Variants in CNTN1 observed in about 807,000 individuals in gnomAD.
CNTN1 encodes contactin-1.
In CNTN1, 38 loss-of-function variants were observed where a neutral mutation model predicts 126.4. The ratio of observed to expected loss-of-function variants is 0.30; its 90% confidence interval spans 0.23 to 0.39. CNTN1 has a LOEUF of 0.39. CNTN1 is among the 10% of genes least tolerant of loss of function. The pLI, the probability that CNTN1 is intolerant of heterozygous loss-of-function variation, is 1.00. For missense variants in CNTN1, 1,009 were observed against 1,248.4 expected (o/e 0.81, Z 2.89); for synonymous variants, 413 against 422.6 (o/e 0.98, Z 0.28).
chr12:40,816,845 T>G (rs920272619), intron 1 of CNTN1, among the ~76,000 whole-genome samples: 1 of 152,218 alleles, frequency 6.6e-6, no homozygotes, highest in African/African-American at 2.4e-5. Flanking sequence ...ACATTGTCTC[T>G]TTGTTCTCAT....
intron 1 of CNTN1, among the ~76,000 whole-genome samples, chr12:40,726,671 T>C (rs1942358894): frequency 6.6e-6 from 1 of 152,118 alleles, no homozygotes; most frequent in African/African-American, 2.4e-5. Flanking sequence ...AGCCAAACCA[T>C]GTTAAGGGAT....
intron 1 of CNTN1, among the ~76,000 whole-genome samples, chr12:40,805,189 C>T (rs756544846): frequency 5.9e-5 from 9 of 151,816 alleles, no homozygotes; most frequent in Non-Finnish European, 7.4e-5. Context: ...CTTGGATATG[C>T]GGTTTAGTGT....
chr12:40,962,556 C>A (rs569101736), intron 15 of CNTN1, among the ~76,000 whole-genome samples: 12 of 152,024 alleles, frequency 7.9e-5, no homozygotes, highest in African/African-American at 2.9e-4. Flanking sequence ...TTTTTTGTGT[C>A]ATGTATGGTA....
chr12:40,818,214 T>C (rs542436679), intron 1 of CNTN1, among the ~76,000 whole-genome samples: 2 of 152,320 alleles, frequency 1.3e-5, no homozygotes, highest in African/African-American at 4.8e-5. Flanking sequence ...TGTTGGACTG[T>C]CTTTCTAGGT....
chr12:40,829,631 T>C (rs1201983037), intron 1 of CNTN1, among the ~76,000 whole-genome samples: 17 of 152,194 alleles, frequency 1.1e-4, no homozygotes, highest in Admixed American at 1.1e-3. Context: ...CCAGGTGTTG[T>C]GCACAGAACT....
intron 1 of CNTN1, among the ~76,000 whole-genome samples, chr12:40,869,165 A>C (rs1212870184): frequency 6.6e-6 from 1 of 151,776 alleles, no homozygotes; most frequent in Non-Finnish European, 1.5e-5. Context: ...GATATACAAT[A>C]ATAATTTAAG....
At chr12:41,013,853 CATTT>C (rs1381011004) in intron 17 of CNTN1, among the ~76,000 whole-genome samples, 5 of 152,130 alleles carry the variant, frequency 3.3e-5, no homozygotes, top group South Asian at 4.1e-4. Context: ...GGTTTCTTAA[CATTT>C]ATTTGTAGAA....
chr12:40,725,772 T>G (rs1290841693), intron 1 of CNTN1, among the ~76,000 whole-genome samples: 1 of 152,058 alleles, frequency 6.6e-6, no homozygotes, highest in African/African-American at 2.4e-5. Context: ...TTTGGTGGAG[T>G]TGAGTCTAAT....
chr12:40,705,050 G>A (rs1941704277), intron 1 of CNTN1, among the ~76,000 whole-genome samples: 2 of 152,124 alleles, frequency 1.3e-5, no homozygotes, highest in Non-Finnish European at 2.9e-5. Flanking sequence ...CTGATATATA[G>A]CAAGTGTAAT....
chr12:40,963,531 C>T (rs117389351), intron 15 of CNTN1, among the ~76,000 whole-genome samples: 4,324 of 151,072 alleles, frequency 0.029, 92 homozygotes, highest in Middle Eastern at 0.065. Context: ...AAATATGTTG[C>T]GTTATGTTTA....
chr12:40,875,727 A>G (rs1055077490), intron 1 of CNTN1, among the ~76,000 whole-genome samples: 1 of 152,102 alleles, frequency 6.6e-6, no homozygotes, highest in East Asian at 1.9e-4. Flanking sequence ...AGATCATGGT[A>G]TGTAAGTACC....
chr12:41,062,487 A>C (rs1949956261), intron 23 of CNTN1, among the ~76,000 whole-genome samples: 1 of 152,200 alleles, frequency 6.6e-6, no homozygotes, highest in South Asian at 2.1e-4. Context: ...ACATTTAGAC[A>C]GGATGGAAAC....
intron 1 of CNTN1, among the ~76,000 whole-genome samples, chr12:40,847,186 G>T (rs1384996668): frequency 1.3e-5 from 2 of 151,952 alleles, no homozygotes; most frequent in Non-Finnish European, 2.9e-5. Flanking sequence ...TCTTGATTTG[G>T]CTACTTCTGC....
At chr12:41,050,152 G>A (rs1258767295) in intron 23 of CNTN1, among the ~76,000 whole-genome samples, 3 of 151,924 alleles carry the variant, frequency 2.0e-5, no homozygotes, top group African/African-American at 4.8e-5. Flanking sequence ...CGCCTGCCTC[G>A]GCCTCCCAAA....
intron 1 of CNTN1, among the ~76,000 whole-genome samples, chr12:40,753,785 A>G (rs1330343433): frequency 6.6e-6 from 1 of 152,234 alleles, no homozygotes; most frequent in South Asian, 2.1e-4. Context: ...TAGAAAATTG[A>G]GACTATATAT....
intron 3 of CNTN1, among the ~76,000 whole-genome samples, chr12:40,913,738 T>C (rs10219667): frequency 0.039 from 5,875 of 152,314 alleles, 344 homozygotes; most frequent in African/African-American, 0.13. Context: ...TTTGAGATTA[T>C]ATAAGTGACT....
At chr12:40,941,523 T>TA (rs1946264211) in intron 12 of CNTN1, among the ~76,000 whole-genome samples, 1 of 152,168 alleles carries the variant, frequency 6.6e-6, no homozygotes, top group African/African-American at 2.4e-5. Context: ...GAAGAAGCTA[T>TA]GTATCTTGAT....
intron 1 of CNTN1, among the ~76,000 whole-genome samples, chr12:40,730,841 TG>T (rs1942481011): frequency 6.6e-6 from 1 of 152,126 alleles, no homozygotes; most frequent in Non-Finnish European, 1.5e-5. Context: ...GGTTTCAATT[TG>T]GGGGAGTATG....
chr12:41,025,106 ACT>A, intron 20 of CNTN1, 42 bp from the exon 21 acceptor site: 1 of 1,594,140 alleles, frequency 6.3e-7, no homozygotes, highest in South Asian at 1.1e-5. Flanking sequence ...ATAGCTGAAG[ACT>A]CTAAATCATG....
Sources: gnomAD v4.1 joint callset for allele counts (sites outside exome capture counted in the v4.1 genomes callset) on GRCh38, gnomAD v4.1.1 for gene constraint, MANE v1.5 for transcripts, NCBI Gene and HGNC (gene_info 2026-07-23, HGNC 2026-07-21) for gene names.